Variants in PRRC2B observed in about 807,000 individuals in gnomAD.
PRRC2B encodes the protein protein PRRC2B.
In PRRC2B, 68 loss-of-function variants were observed where a neutral mutation model predicts 242.3. The observed-to-expected ratio is 0.28, with a 90% CI of 0.23 to 0.34. The LOEUF (loss-of-function observed/expected upper bound fraction) is 0.34. Ranked by LOEUF, PRRC2B falls within the 10% of genes least tolerant of loss-of-function variation. PRRC2B has a pLI of 1.00. For missense variants in PRRC2B, 2,835 were observed against 2,954.8 expected, an observed-to-expected ratio of 0.96 and a Z score of 0.94; for synonymous variants, 1,228 against 1,173.6, an observed-to-expected ratio of 1.05 and a Z score of -0.95.
chr9:131,478,209 C>T (rs138585378), intron 17 of PRRC2B, among the ~76,000 whole-genome samples: 310 of 100,224 alleles, frequency 3.1e-3, no homozygotes, highest in African/African-American at 0.012. Context: ...GGCCCAGAGA[C>T]GTTCGGTGGT....
chr9:131,446,752 C>G lies in PRRC2B; in HGVS notation c.855+110C>G, dbSNP rs1838814176. 3 of 1,285,674 alleles carry G rather than the reference C, an allele frequency of 2.3e-6. No homozygotes were observed. Among genetic ancestry groups the G allele is most frequent in the East Asian group, 4.7e-5 (2 of 42,518 alleles). 79.6% of individuals were successfully genotyped at this position (1,285,674 alleles called of 1,614,324 possible). ...GGGGTCTCCTCTTGGCCCTGTTACC[C>G]TACTTCTGAGGCTTCCACTCGTTTT... On this transcript the variant is annotated intron_variant, in intron 7 of 31. Transcript: ENST00000683519. This position sits in a 1 kb window ranked among gnomAD's most constrained non-coding sequence, Gnocchi z 4.1.
At chr9:131,393,518 C>G (rs1430168054), upstream of PRRC2B, among the ~76,000 whole-genome samples, 1 of 152,328 alleles carries the variant, frequency 6.6e-6, no homozygotes, top group African/African-American at 2.4e-5. Context: ...GGACAAAGTA[C>G]CCATATTGTG....
At chr9:131,379,161 G>A (rs1007555670) in intron 1 of PRRC2B, among the ~76,000 whole-genome samples, 1 of 152,178 alleles carries the variant, frequency 6.6e-6, no homozygotes, top group African/African-American at 2.4e-5. Context: ...CCATGTGTCA[G>A]CACTTCTTTC....
chr9:131,432,483 G>A, intron 2 of PRRC2B, 134 bp from the exon 3 acceptor site: 1 of 770,936 alleles, frequency 1.3e-6, no homozygotes, highest in Non-Finnish European at 2.1e-6. Flanking sequence ...CCCACTGCTG[G>A]TCTGCCCTTT....
intron 4 of PRRC2B, among the ~76,000 whole-genome samples, chr9:131,438,347 G>T (rs1297488526): frequency 1.3e-5 from 2 of 152,108 alleles, no homozygotes; most frequent in African/African-American, 4.8e-5. Flanking sequence ...GAGCCTCAGT[G>T]GGGGATGTGA....
intron 3 of PRRC2B, among the ~76,000 whole-genome samples, chr9:131,433,223 TGCAGCTTCCCTAACCATCGGCCCA>T (rs577042648): frequency 1.5e-4 from 23 of 152,190 alleles, no homozygotes; most frequent in Non-Finnish European, 2.6e-4. Context: ...CAGAGAATCA[TGCAGCTTCCCTAACCATCGGCCCA>T]GCAGCTTCCC....
At chr9:131,436,906 A>C (rs1403150006) in intron 4 of PRRC2B, among the ~76,000 whole-genome samples, 184 bp downstream of exon 4, 2 of 152,214 alleles carry the variant, frequency 1.3e-5, no homozygotes. Flanking sequence ...GTCAGTGGTT[A>C]AGAAATTTAA....
intron 9 of PRRC2B, among the ~76,000 whole-genome samples, chr9:131,448,988 C>G (rs534975046): frequency 5.3e-5 from 8 of 152,198 alleles, no homozygotes; most frequent in Admixed American, 1.3e-4. Flanking sequence ...GCCTGCTGCT[C>G]TTCTGATTCA....
chr9:131,443,561 G>A (rs755349883), intron 5 of PRRC2B, among the ~76,000 whole-genome samples: 95 of 152,034 alleles, frequency 6.2e-4, no homozygotes, highest in Non-Finnish European at 1.2e-3. Context: ...AGCCTCCTGA[G>A]TAGTTGGGAC....
In PRRC2B at chr9:131,473,645, T is replaced by G; in HGVS notation, c.2245T>G (p.Tyr749Asp). Residue 749 changes from tyrosine to aspartate, a missense_variant, in exon 15 of 32, where the codon TAC (tyrosine) becomes GAC (aspartate). Physicochemically the swap from Tyr to Asp is radical, Grantham distance 160. Transcript: ENST00000683519. ...ACCCCCTGTGTGGAGCCCAGAGGGC[T>G]ACATGGCACTGCAGAGCAAGGGCTA... is the stretch of plus-strand genomic sequence containing the variant. ...DSPPVWSPEGYMALQSKGYPL... is the reference protein window; with the variant it reads ...DSPPVWSPEGDMALQSKGYPL... 6.2e-7 allele frequency: 1 copy of G among 1,613,858 alleles called. No individual in the cohort carries two copies. Among genetic ancestry groups the G allele is most frequent in the East Asian group, 2.2e-5 (1 of 44,874 alleles).
intron 14 of PRRC2B, among the ~76,000 whole-genome samples, chr9:131,471,978 A>C (rs1196406568): frequency 6.6e-6 from 1 of 152,120 alleles, no homozygotes; most frequent in Non-Finnish European, 1.5e-5. Context: ...CTTCTTTGGG[A>C]GCCTGTCAGT....
At chr9:131,379,351 T>C (rs1836726011) in intron 1 of PRRC2B, among the ~76,000 whole-genome samples, 1 of 152,232 alleles carries the variant, frequency 6.6e-6, no homozygotes, top group African/African-American at 2.4e-5. Context: ...TGTGTTTAAC[T>C]CTGAGAAACC....
chr9:131,479,902 TTTGTTGCCCTGA>T (rs1943809683), intron 19 of PRRC2B, among the ~76,000 whole-genome samples: 1 of 152,190 alleles, frequency 6.6e-6, no homozygotes, highest in Non-Finnish European at 1.5e-5. Context: ...TCTTAGAACA[TTTGTTGCCCTGA>T]AAACTTTTTT....
At position 131,478,638 on chromosome 9, in the gene PRRC2B, G is replaced by T. The variant is rs1254608919; in HGVS notation, c.4758+19G>T. 7 of 1,409,130 alleles carry T rather than the reference G, an allele frequency of 5.0e-6. No homozygotes were observed. The African/African-American group carries it at 7.1e-5, about 14-fold the overall frequency. The allele number at this position is 1,409,130 out of a possible 1,614,324, so 87.3% of individuals were successfully genotyped here. A position where few individuals can be genotyped will look rare whatever the true frequency, so the allele number is the denominator to read the frequency against. The stretch of plus-strand genomic sequence containing the variant: ...CGTGCAGGTGAGGGGCGGAGGGTGG[G>T]GGGGCATGGGGCTGGAGGGCAGGCT... On this transcript the variant is annotated intron_variant, in intron 18 of 31. Coordinates refer to ENST00000683519, the MANE Select transcript of PRRC2B (RefSeq NM_013318.4).
intron 5 of PRRC2B, among the ~76,000 whole-genome samples, chr9:131,442,999 G>A (rs926080306): frequency 6.6e-6 from 1 of 152,126 alleles, no homozygotes; most frequent in African/African-American, 2.4e-5. Flanking sequence ...AAGGAACTTA[G>A]TACAAAATGC....
intron 1 of PRRC2B, among the ~76,000 whole-genome samples, chr9:131,429,571 G>GAAGGAT (rs1486311789): frequency 2.0e-5 from 3 of 152,126 alleles, no homozygotes; most frequent in Non-Finnish European, 2.9e-5. Context: ...GTATATACTT[G>GAAGGAT]ATTATTTCTG....
intron 1 of PRRC2B, among the ~76,000 whole-genome samples, chr9:131,397,330 G>A (rs933618773): frequency 1.3e-5 from 2 of 152,158 alleles, no homozygotes; most frequent in African/African-American, 2.4e-5. Context: ...AGCCTCCACT[G>A]GGCCCAAATA....
chr9:131,447,143 T>G lies in PRRC2B; in HGVS notation c.914T>G (p.Leu305Arg). The change falls in exon 8 of 32, where the codon CTT becomes CGT. Residue 305 changes from leucine to arginine, a missense_variant. Transcript: ENST00000683519. ...ACAGTGGAACGAGGCTCTTTTCCCC[T>G]TCCTCAGCTCCGCCTTGAACCTCGA... ...QGTVERGSFP[L>R]PQLRLEPRVP... The G allele has an allele frequency of 6.2e-7, 1 of 1,614,016 alleles. No homozygotes were observed.
chr9:131,477,837 T>G lies in PRRC2B; in HGVS notation c.4500T>G (p.Ser1500Arg). 6.2e-7 allele frequency: 1 copy of G among 1,613,556 alleles called. No homozygotes were observed. The highest frequency in any genetic ancestry group is 1.3e-5 in the African/African-American group (1 of 75,038). ...CCCTGGAGCGGGCAGCCCATGCCAG[T>G]GCTGACCTTCCCGAAGCCTCCAGTA... ...PYALERAAHASADLPEASSKK... is the reference protein window; with the variant it reads ...PYALERAAHARADLPEASSKK... Residue 1500 changes from serine to arginine, a missense_variant, in exon 17 of 32, where the codon AGT (serine) becomes AGG (arginine). Transcript: ENST00000683519.
Sources: allele counts gnomAD v4.1 joint callset (sites outside exome capture counted in the v4.1 genomes callset), GRCh38; gene constraint gnomAD v4.1.1; non-coding constraint Gnocchi (gnomAD v3.1); transcripts MANE v1.5; gene names NCBI Gene and HGNC (gene_info 2026-07-23, HGNC 2026-07-21).